The following RBMX variants were observed in gnomAD, a reference collection of about 807,000 sequenced individuals.
RBMX encodes RNA-binding motif protein, X chromosome.
A neutral mutation model predicts 29.3 loss-of-function variants in RBMX; 1 was observed. That is an observed-to-expected ratio of 0.03 (90% CI 0.01 to 0.16). The LOEUF (loss-of-function observed/expected upper bound fraction) is 0.16, where lower values mean the gene tolerates loss of function less well. RBMX is among the 10% of genes least tolerant of loss of function. The pLI is 1.00. For synonymous variants in RBMX, 102 were observed against 102.3 expected, an observed-to-expected ratio of 1.00 and a Z score of 0.02; for missense variants, 121 against 333.2, an observed-to-expected ratio of 0.36 and a Z score of 4.96.
intron 1 of RBMX, among the ~76,000 whole-genome samples, chrX:136,879,896 T>C (rs774847765): frequency 8.9e-6 from 1 of 111,792 alleles, no homozygotes; most frequent in Admixed American, 9.5e-5. Flanking sequence ...CTCATTAGGA[T>C]TCCCTACTAA....
chrX:136,879,644 T>C (rs993663059), intron 1 of RBMX, among the ~76,000 whole-genome samples, 191 bp from the exon 2 acceptor site: 3 of 111,938 alleles, frequency 2.7e-5, no homozygotes, highest in African/African-American at 9.8e-5. Context: ...ACACTGCAAT[T>C]TACATAAAAC....
chrX:136,878,113 A>G lies in RBMX; in HGVS notation c.217-27T>C, dbSNP rs1485215784. Reference sequence around the variant, plus strand: ...TAAAAAAAAAGATACGATTAAATTAAATCAAGATTTAAAAATAATTTGCAC... The same window carrying G: ...TAAAAAAAAAGATACGATTAAATTAGATCAAGATTTAAAAATAATTTGCAC... On this transcript the variant is annotated intron_variant, in intron 3 of 8. Coordinates refer to ENST00000320676, the MANE Select transcript of RBMX (RefSeq NM_002139.4). The G allele has an allele frequency of 3.6e-6, 4 of 1,115,315 alleles. No homozygotes were observed. In the African/African-American group the frequency reaches 7.4e-5, roughly 21 times the overall value. The allele number at this position is 1,115,315 out of a possible 1,213,427, so 91.9% of individuals were successfully genotyped here.
rs952738545 is a variant in RBMX, at chrX:136,877,336, C to G, written c.388+579G>C. Among the ~76,000 whole-genome samples, 18 of 84,374 alleles carry G rather than the reference C, an allele frequency of 2.1e-4. 2 individuals carry two copies. The highest frequency in any genetic ancestry group is 7.6e-4 in the African/African-American group (18 of 23,821). The allele number at this position is 84,374 out of a possible 115,157, so 73.3% of individuals were successfully genotyped here. ...AACAAGTGCTAAACTCTACCCCCCC[C>G]CCCCCAAAAAAAAACCATTATTGAT... On this transcript the variant is annotated intron_variant, in intron 4 of 8. Coordinates refer to ENST00000320676, the MANE Select transcript of RBMX (RefSeq NM_002139.4).
rs145225005 is a variant in RBMX at position 136,876,492 on chromosome X, G to C, written c.541+11C>G. The C allele has an allele frequency of 3.0e-3, 3,534 of 1,160,767 alleles. 69 individuals are homozygous for C. In the African/African-American group the frequency reaches 0.058, roughly 19 times the overall value. ...GGTAGTAGCATAAATCATCATACATGGAACATTTACCTCTTCCTCCCATTC... is the reference window on the plus strand; with the variant it reads ...GGTAGTAGCATAAATCATCATACATCGAACATTTACCTCTTCCTCCCATTC... On this transcript the variant is annotated intron_variant, in intron 5 of 8. Transcript: ENST00000320676.
chrX:136,878,796 A>G (rs865815087), intron 3 of RBMX, among the ~76,000 whole-genome samples: 2 of 109,293 alleles, frequency 1.8e-5, no homozygotes, highest in Admixed American at 9.8e-5. Context: ...TTCTGAACTG[A>G]GAGAATGTTA....
chrX:136,871,690 C>T (rs1475403386), downstream of RBMX, among the ~76,000 whole-genome samples: 1 of 108,851 alleles, frequency 9.2e-6, no homozygotes, highest in Non-Finnish European at 1.9e-5. Context: ...CTTGCTGTTG[C>T]CCAGGCTGGA....
At chrX:136,878,522 G>T (rs1018844971) in intron 3 of RBMX, among the ~76,000 whole-genome samples, 1 of 107,711 alleles carries the variant, frequency 9.3e-6, no homozygotes, top group African/African-American at 3.4e-5. Context: ...GAGGCAGCTG[G>T]ATCACCTGAA....
chrX:136,871,699 G>A (rs1190428796), downstream of RBMX, among the ~76,000 whole-genome samples: 1 of 108,743 alleles, frequency 9.2e-6, no homozygotes, highest in Non-Finnish European at 1.9e-5. Context: ...GCCCAGGCTG[G>A]AGTGCAATGG....
intron 3 of RBMX, 59 bp from the exon 4 acceptor site, chrX:136,878,145 T>C (rs2077754368): frequency 2.0e-6 from 2 of 1,002,396 alleles, no homozygotes; most frequent in South Asian, 2.6e-5. Context: ...GCACATCTAC[T>C]ATGCACTAAG....
intron 4 of RBMX, 75 bp from the exon 5 acceptor site, chrX:136,876,730 TTGA>T: frequency 4.1e-5 from 38 of 925,980 alleles, no homozygotes; most frequent in South Asian, 1.6e-4. Context: ...TTTTTTTTTT[TTGA>T]GAGTCTCACT....
chrX:136,880,473 A>G (rs1356833628), intron 1 of RBMX, 124 bp downstream of exon 1: 1 of 111,663 alleles, frequency 9.0e-6, no homozygotes, highest in African/African-American at 3.3e-5. Context: ...CTTTATTTAA[A>G]TAGGTCGGAA....
chrX:136,878,512 G>A (rs1237344995), intron 3 of RBMX, among the ~76,000 whole-genome samples: 1 of 108,783 alleles, frequency 9.2e-6, no homozygotes, highest in Non-Finnish European at 1.9e-5. Flanking sequence ...TTGGGAGGCG[G>A]AGGCAGCTGG....
At chrX:136,870,702 A>G (rs1373998990), downstream of RBMX, among the ~76,000 whole-genome samples, 4 of 104,230 alleles carry the variant, frequency 3.8e-5, no homozygotes, top group South Asian at 1.4e-3. Context: ...ACGGTGGTGC[A>G]CACCCGTAGT....
At position 136,878,312 on chromosome X, in the gene RBMX, G is replaced by A. The variant is rs149408408; in HGVS notation, c.217-226C>T. ...ACTGATGATCTGGATTGAAACATAA[G>A]GTGAACCCACTGCATTATTGTATGG... On this transcript the variant is annotated intron_variant, in intron 3 of 8. Coordinates refer to ENST00000320676, the MANE Select transcript of RBMX (RefSeq NM_002139.4). Among the ~76,000 whole-genome samples, 40 of 111,004 alleles carry A rather than the reference G, an allele frequency of 3.6e-4. No individual in the cohort carries two copies. The East Asian group carries it at 0.011, about 31-fold the overall frequency.
rs2057868056 is a variant in RBMX at position 136,874,002 on chromosome X, A to G, written c.*140T>C. 4.4e-5 allele frequency: 48 copies of G among 1,097,433 alleles called. No homozygotes were observed. Among genetic ancestry groups the G allele is most frequent in the Non-Finnish European group, 5.5e-5 (46 of 841,211 alleles). 90.4% of individuals were successfully genotyped at this position (1,097,433 alleles called of 1,213,427 possible). A position where few individuals can be genotyped will look rare whatever the true frequency, so the allele number is the denominator to read the frequency against. On this transcript the variant is annotated 3_prime_UTR_variant, in exon 9 of 9. Transcript: ENST00000320676. ...CTTTTTTCCTCACAAGAACATAAAA[A>G]TTATGGAGGGGAACTTAACAGGGAA...
At chrX:136,871,196 C>T (rs2077560496), downstream of RBMX, among the ~76,000 whole-genome samples, 1 of 108,800 alleles carries the variant, frequency 9.2e-6, no homozygotes, top group Admixed American at 9.9e-5. Flanking sequence ...CCTATAATCC[C>T]AGCACTTTGG....
Position 136,876,561 on chromosome X carries a change from A to T in RBMX, c.483T>A (p.Pro161=), listed in dbSNP as rs1274574207. 1 of 1,205,292 alleles carries T rather than the reference A, an allele frequency of 8.3e-7. No individual in the cohort carries two copies. Among genetic ancestry groups the T allele is most frequent in the Non-Finnish European group, 1.1e-6 (1 of 893,419 alleles). Residue 161 remains proline (P), a synonymous_variant, in exon 5 of 9, where the codon CCT becomes CCA. Transcript: ENST00000320676. The part of the protein sequence containing the change: ...RGPPPRSGGP[P]PKRSAPSGPV... ...GTCCTGAAGGTGCAGATCTCTTAGGAGGAGGACCCCCACTTCTTGGTGGTG... is the reference window on the plus strand; with the variant it reads ...GTCCTGAAGGTGCAGATCTCTTAGGTGGAGGACCCCCACTTCTTGGTGGTG...
At chrX:136,878,689 G>C (rs1283659580) in intron 3 of RBMX, among the ~76,000 whole-genome samples, 1 of 76,163 alleles carries the variant, frequency 1.3e-5, no homozygotes, top group Non-Finnish European at 2.4e-5. Context: ...TCGGGAGACA[G>C]GCTGCAGTGG....
rs1300577527 is a variant in RBMX at position 136,879,134 on chromosome X, GT to G, written c.110-12del. 8.3e-7 allele frequency: 1 copy of G among 1,211,090 alleles called. No individual in the cohort carries two copies. On this transcript the variant is annotated splice_polypyrimidine_tract_variant and intron_variant, in intron 2 of 8. Transcript: ENST00000320676. ...CTTTCATCAAGAGTACTAAAAAGTA[GT>G]TTTCAGAAAAATAAAGTGTTACCCT...
Sources: allele counts gnomAD v4.1 joint callset (sites outside exome capture counted in the v4.1 genomes callset), GRCh38; gene constraint gnomAD v4.1.1; transcripts MANE v1.5; gene names NCBI Gene and HGNC (gene_info 2026-07-23, HGNC 2026-07-21).